Variants in MORC4 observed in about 807,000 individuals in gnomAD.
The protein encoded by MORC4 is MORC family CW-type zinc finger protein 4.
Under a neutral mutation model 65.5 loss-of-function variants are expected in MORC4, and 22 were observed. The ratio of observed to expected loss-of-function variants is 0.34; its 90% CI spans 0.24 to 0.48. The LOEUF (loss-of-function observed/expected upper bound fraction) is 0.48. Among genes scored for constraint, MORC4 ranks in the 20% least tolerant of loss-of-function variants. MORC4 has a pLI of 0.99. For synonymous variants in MORC4, 267 were observed against 255.8 expected (o/e 1.04, Z -0.42); for missense variants, 624 against 703.0 (o/e 0.89, Z 1.27).
chrX:106,985,980 T>C lies in MORC4; in HGVS notation c.526+3A>G. The C allele has an allele frequency of 8.4e-7, 1 of 1,192,793 alleles. No individual in the cohort carries two copies. The highest frequency in any genetic ancestry group is 1.1e-6 in the Non-Finnish European group (1 of 880,033). On this transcript the variant is annotated splice_donor_region_variant and intron_variant, in intron 4 of 16. Coordinates refer to ENST00000355610, the MANE Select transcript of MORC4 (RefSeq NM_024657.5). Reference sequence around the variant, plus strand: ...CAACATTCTCCATTTCCAGAAAGGATATTGTTTTGCTGGTTGAATGGAACA... The same window carrying C: ...CAACATTCTCCATTTCCAGAAAGGACATTGTTTTGCTGGTTGAATGGAACA...
chrX:106,981,833 A>T (rs1934750340), intron 5 of MORC4, among the ~76,000 whole-genome samples: 1 of 111,887 alleles, frequency 8.9e-6, no homozygotes, highest in South Asian at 3.7e-4. Context: ...AAGTCACTCA[A>T]CATCATTTTC....
At chrX:106,961,430 A>T (rs892761138) in intron 10 of MORC4, among the ~76,000 whole-genome samples, 6 of 112,269 alleles carry the variant, frequency 5.3e-5, no homozygotes, top group African/African-American at 1.9e-4. Context: ...AGCAATTAGT[A>T]CCTGTGAGTT....
intron 14 of MORC4, among the ~76,000 whole-genome samples, chrX:106,945,133 T>C (rs1399388253): frequency 4.5e-5 from 5 of 111,707 alleles, no homozygotes; most frequent in Non-Finnish European, 9.4e-5. Flanking sequence ...ATTCTCCCAA[T>C]AAACATGAGG....
At position 106,985,175 on chromosome X, in the gene MORC4, G is replaced by T. The variant is rs201795914; in HGVS notation, c.595C>A (p.Arg199Ser). 1.7e-6 allele frequency: 2 copies of T among 1,200,966 alleles called. No homozygotes were observed. The highest frequency in any genetic ancestry group is 3.6e-5 in the South Asian group (2 of 55,851). The change falls in exon 5 of 17, where the codon CGT becomes AGT. Residue 199 changes from arginine (R) to serine (S), a missense_variant. Physicochemically the swap from Arg to Ser is moderately radical, Grantham distance 110. Transcript: ENST00000355610. ...EAILNYSIFNRENDLLAQFDA... is the reference protein window; with the variant it reads ...EAILNYSIFNSENDLLAQFDA... Reference sequence around the variant, plus strand: ...AACTGGGCCAGCAGGTCATTTTCACGGTTGAAAATGGAATAGTTCAAGATG... The same window carrying T: ...AACTGGGCCAGCAGGTCATTTTCACTGTTGAAAATGGAATAGTTCAAGATG...
At chrX:106,977,189 A>G (rs1296880515) in intron 8 of MORC4, among the ~76,000 whole-genome samples, 3 of 111,962 alleles carry the variant, frequency 2.7e-5, no homozygotes. Context: ...ACTTACAGCA[A>G]TTATTAATTA....
At chrX:106,981,246 G>A (rs1365261683) in intron 6 of MORC4, 99 bp downstream of exon 6, 8 of 962,013 alleles carry the variant, frequency 8.3e-6, no homozygotes, top group Admixed American at 6.1e-5. Flanking sequence ...TGGCTGGAAC[G>A]TTGTTATCTT....
In MORC4 at chrX:106,989,518, T is replaced by A. The variant is rs770643936; in HGVS notation, c.309-3318A>T. 1.8e-3 allele frequency among the ~76,000 whole-genome samples: 207 copies of A among 112,037 alleles called. 1 individual carries two copies. Among genetic ancestry groups the A allele is most frequent in the Non-Finnish European group, 3.2e-3 (171 of 53,251 alleles). On this transcript the variant is annotated intron_variant, in intron 3 of 16. Transcript: ENST00000355610. ...TCAAATAGAACTTCTGTAGGCTTAA[T>A]AAATTTGTATAATTACTTCTATTAT...
At chrX:106,954,819 A>G (rs1008782724) in intron 14 of MORC4, 94 bp downstream of exon 14, 6 of 850,433 alleles carry the variant, frequency 7.1e-6, no homozygotes, top group Non-Finnish European at 1.0e-5. Context: ...TAGGCCTTAG[A>G]AAAAACAGAA....
Position 106,990,222 on chromosome X carries a change from AG to A in MORC4, c.308+3007del, listed in dbSNP as rs1934953766. 1.8e-5 allele frequency among the ~76,000 whole-genome samples: 2 copies of A among 109,863 alleles called. 1 individual carries two copies. The highest frequency in any genetic ancestry group is 7.9e-4 in the South Asian group (2 of 2,535). On this transcript the variant is annotated intron_variant, in intron 3 of 16. Transcript: ENST00000355610. ...AAAATAGAATCCTTTGCTGGAAGTT[AG>A]GATTGGACTAAAAAATCTCTTTTAT...
At chrX:106,966,367 C>T (rs1461184228) in intron 9 of MORC4, among the ~76,000 whole-genome samples, 1 of 112,289 alleles carries the variant, frequency 8.9e-6, no homozygotes, top group Non-Finnish European at 1.9e-5. Flanking sequence ...CCAGTGAGAT[C>T]GACGCAGAAG....
chrX:106,961,002 C>T (rs1602485196), intron 10 of MORC4, among the ~76,000 whole-genome samples: 1 of 111,977 alleles, frequency 8.9e-6, no homozygotes. Flanking sequence ...GGCACACATT[C>T]GATCCTCTGT....
At chrX:106,975,005 T>C (rs1331204099) in intron 9 of MORC4, among the ~76,000 whole-genome samples, 1 of 111,189 alleles carries the variant, frequency 9.0e-6, no homozygotes. Context: ...AGAAATCCTG[T>C]GTGTTCAACT....
chrX:106,946,786 T>C (rs1933837901), intron 14 of MORC4, among the ~76,000 whole-genome samples: 1 of 111,475 alleles, frequency 9.0e-6, no homozygotes, highest in Non-Finnish European at 1.9e-5. Context: ...TAGCTGGAAC[T>C]ACAGGCATAC....
intron 9 of MORC4, among the ~76,000 whole-genome samples, chrX:106,970,903 T>C (rs1934495683): frequency 9.0e-6 from 1 of 111,724 alleles, no homozygotes; most frequent in South Asian, 3.8e-4. Context: ...AAGTAATTTA[T>C]AGATTCAATG....
chrX:106,969,918 T>C (rs1934467114), intron 9 of MORC4, among the ~76,000 whole-genome samples: 2 of 111,822 alleles, frequency 1.8e-5, no homozygotes, highest in Admixed American at 9.4e-5. Context: ...GCTGGTACCA[T>C]TCCTTCTGAA....
chrX:106,956,581 A>C (rs368141434), intron 12 of MORC4, 47 bp from the exon 13 acceptor site: 8 of 989,897 alleles, frequency 8.1e-6, no homozygotes, highest in African/African-American at 3.7e-5. Context: ...GAAACTTCTC[A>C]GTTTGAAATG....
chrX:106,974,929 C>G (rs1032063171), intron 9 of MORC4, among the ~76,000 whole-genome samples: 1 of 111,499 alleles, frequency 9.0e-6, no homozygotes, highest in Admixed American at 9.6e-5. Context: ...AAAGACTGTA[C>G]GCAGAATAGT....
chrX:106,980,620 T>A (rs1012447490), intron 7 of MORC4, among the ~76,000 whole-genome samples: 1 of 111,440 alleles, frequency 9.0e-6, no homozygotes, highest in Non-Finnish European at 1.9e-5. Flanking sequence ...ATTCTTATTT[T>A]TTTTAAAAAA....
intron 2 of MORC4, among the ~76,000 whole-genome samples, chrX:106,995,441 G>A (rs1414721654): frequency 1.8e-5 from 2 of 111,736 alleles, no homozygotes; most frequent in Non-Finnish European, 3.8e-5. Context: ...TTGCATCCTG[G>A]ATCTGCTACT....
Sources: gnomAD v4.1 joint callset for allele counts (sites outside exome capture counted in the v4.1 genomes callset) on GRCh38, gnomAD v4.1.1 for gene constraint, MANE v1.5 for transcripts, NCBI Gene and HGNC (gene_info 2026-07-23, HGNC 2026-07-21) for gene names.